XKR5: variants seen among roughly 807,000 people sequenced by gnomAD.
The protein encoded by XKR5 is XK-related protein 5.
A neutral mutation model predicts 40.8 loss-of-function variants in XKR5; 46 were observed. The observed-to-expected ratio is 1.13, with a 90% CI of 0.89 to 1.44. The LOEUF (loss-of-function observed/expected upper bound fraction) is 1.44. XKR5 is among the 40% of genes most tolerant of loss of function. The pLI is 0.00. For synonymous variants in XKR5, 466 were observed against 356.1 expected, an observed-to-expected ratio of 1.31 and a Z score of -3.48; for missense variants, 1,169 against 844.7, an observed-to-expected ratio of 1.38 and a Z score of -4.76.
rs201713069 is a variant in XKR5, at chr8:6,815,836, A to G, written c.890T>C (p.Ile297Thr). The change falls in exon 6 of 7, where the codon ATA (isoleucine) becomes ACA (threonine). Residue 297 changes from isoleucine to threonine, a missense_variant. Ile to Thr is a moderately conservative substitution (Grantham distance 89). Coordinates refer to ENST00000618742, the MANE Select transcript of XKR5 (RefSeq NM_207411.5). ...QGASWTSLQT[I>T]AGVLSGFLIG... ...CAGAAATCCAGACAGGACCCCAGCT[A>G]TGGTCTGCAGGCTGGTCCACGATGC... The G allele has an allele frequency of 8.4e-5, 135 of 1,605,186 alleles. 1 individual carries two copies. The highest frequency in any genetic ancestry group is 1.0e-4 in the Non-Finnish European group (120 of 1,175,792).
intron 2 of XKR5, among the ~76,000 whole-genome samples, chr8:6,830,178 A>G (rs1040827510): frequency 1.3e-5 from 2 of 152,134 alleles, no homozygotes; most frequent in Non-Finnish European, 2.9e-5. Context: ...GTTTTACTGG[A>G]TTCTCAGTTA....
intron 2 of XKR5, among the ~76,000 whole-genome samples, chr8:6,826,964 A>G (rs1388448944): frequency 1.3e-5 from 2 of 152,172 alleles, no homozygotes; most frequent in Non-Finnish European, 2.9e-5. Context: ...AGCAACAAGA[A>G]AGAAGTCAGA....
Position 6,810,259 on chromosome 8 carries a change from T to TA in XKR5, c.*938dup, listed in dbSNP as rs1803619887. On this transcript the variant is annotated 3_prime_UTR_variant, in exon 7 of 7. Transcript: ENST00000618742. The stretch of plus-strand genomic sequence containing the variant: ...GGAAGGCTTAAAGAAATTATGGAAA[T>TA]ACCTAGCCACAAAGAACACTTTAGA... The TA allele has an allele frequency of 6.6e-6, 1 of 152,260 alleles. No homozygotes were observed. Among genetic ancestry groups the TA allele is most frequent in the East Asian group, 1.9e-4 (1 of 5,204 alleles). 9.4% of individuals were successfully genotyped at this position (152,260 alleles called of 1,614,324 possible).
intron 2 of XKR5, among the ~76,000 whole-genome samples, chr8:6,830,778 C>T (rs569132664): frequency 2.0e-5 from 3 of 152,214 alleles, no homozygotes; most frequent in Admixed American, 1.3e-4. Flanking sequence ...CTAGTATATA[C>T]CAGATTATTC....
At chr8:6,831,951 G>C (rs1804785375) in intron 2 of XKR5, among the ~76,000 whole-genome samples, 1 of 144,714 alleles carries the variant, frequency 6.9e-6, no homozygotes, top group Non-Finnish European at 1.5e-5. Flanking sequence ...GGAGGCGGAG[G>C]TTGCAGTGAG....
Position 6,832,869 on chromosome 8 carries a change from T to G in XKR5, c.90A>C (p.Thr30=). The stretch of plus-strand genomic sequence containing the variant: ...CCAGCCACCCCCACAGAAGCCGTCC[T>G]GTGGTGAAGTAGTAAGCCACGGTGT... ...RLYTVAYYFT[T]GRLLWGWLAL... is the part of the protein sequence containing the mutation. The change falls in exon 2 of 7, where the codon ACA becomes ACC. Residue 30 remains threonine, a synonymous_variant. Transcript: ENST00000618742. 1 of 1,606,010 alleles carries G rather than the reference T, an allele frequency of 6.2e-7. No homozygotes were observed. The highest frequency in any genetic ancestry group is 8.5e-7 in the Non-Finnish European group (1 of 1,177,136).
At chr8:6,822,519 A>G (rs1804287747) in intron 4 of XKR5, among the ~76,000 whole-genome samples, 1 of 152,262 alleles carries the variant, frequency 6.6e-6, no homozygotes, top group Non-Finnish European at 1.5e-5. Flanking sequence ...AAAAAGAATA[A>G]CAAAATAGCT....
At position 6,823,624 on chromosome 8, in the gene XKR5, G is replaced by A; in HGVS notation, c.534C>T (p.Ala178=). 1.3e-6 allele frequency: 2 copies of A among 1,593,164 alleles called. No individual in the cohort carries two copies. Among genetic ancestry groups the A allele is most frequent in the Non-Finnish European group, 1.7e-6 (2 of 1,170,026 alleles). The part of the protein sequence containing the change: ...KPGHLAMPWA[A]LFCQQLWRMG... ...TCCTCCAGAGCTGCTGGCAGAAGAG[G>A]GCGGCCCATGGCATGGCCAGGTGGC... The change falls in exon 4 of 7, where the codon GCC becomes GCT. Residue 178 remains alanine, a synonymous_variant. Transcript: ENST00000618742.
chr8:6,833,474 A>T (rs1027790709), intron 1 of XKR5, among the ~76,000 whole-genome samples: 33 of 152,166 alleles, frequency 2.2e-4, no homozygotes, highest in African/African-American at 7.7e-4. Context: ...ATTAAAAACA[A>T]AACCAAAGCA....
At position 6,825,274 on chromosome 8, in the gene XKR5, C is replaced by T; in HGVS notation, c.318G>A (p.Glu106=). ...APHRGWLQLQ[E]ADLSALRLLE... is the part of the protein sequence containing the mutation. Reference sequence around the variant, plus strand: ...AGAGTCGAAGGGCCGACAGGTCGGCCTCCTGCAGCTGCAGCCAGCCTCGGT... The same window carrying T: ...AGAGTCGAAGGGCCGACAGGTCGGCTTCCTGCAGCTGCAGCCAGCCTCGGT... Residue 106 remains glutamate (E), a synonymous_variant, in exon 3 of 7, where the codon GAG becomes GAA. Transcript: ENST00000618742. 1.9e-6 allele frequency: 3 copies of T among 1,611,010 alleles called. No individual in the cohort carries two copies. The highest frequency in any genetic ancestry group is 2.2e-5 in the East Asian group (1 of 44,742).
Position 6,810,193 on chromosome 8 carries a change from C to T in XKR5, c.*1005G>A, listed in dbSNP as rs543638416. On this transcript the variant is annotated 3_prime_UTR_variant, in exon 7 of 7. Transcript: ENST00000618742. The stretch of plus-strand genomic sequence containing the variant: ...CATCCAGCTCTCTGTGTGCCTTTCT[C>T]TTTGATAGTTTATGACTAGACTTCC... 1 of 152,252 alleles carries T rather than the reference C, an allele frequency of 6.6e-6. No homozygotes were observed. The highest frequency in any genetic ancestry group is 2.1e-4 in the South Asian group (1 of 4,824). 9.4% of individuals were successfully genotyped at this position (152,252 alleles called of 1,614,324 possible).
At chr8:6,828,078 A>C (rs1804598851) in intron 2 of XKR5, among the ~76,000 whole-genome samples, 1 of 152,174 alleles carries the variant, frequency 6.6e-6, no homozygotes, top group African/African-American at 2.4e-5. Flanking sequence ...GTGAAAAAAA[A>C]GAAAAGGGGG....
At chr8:6,829,996 C>A (rs1804686288) in intron 2 of XKR5, among the ~76,000 whole-genome samples, 1 of 151,932 alleles carries the variant, frequency 6.6e-6, no homozygotes. Context: ...CGCCACCACG[C>A]CCGGCTAATT....
Position 6,832,823 on chromosome 8 carries a change from C to A in XKR5, c.136G>T (p.Gly46Trp). Residue 46 changes from glycine to tryptophan, a missense_variant, in exon 2 of 7, where the codon GGG becomes TGG. By Grantham distance (184) the Gly-to-Trp change is radical. Transcript: ENST00000618742. ...TAGCTCAGGGCCTGGACCAAGAACC[C>A]GGGCAGGAGGACAGCAAGGGCCAGC... ...GWLALAVLLP[G>W]FLVQALSYLW... 6.2e-7 allele frequency: 1 copy of A among 1,612,236 alleles called. No homozygotes were observed. Among genetic ancestry groups the A allele is most frequent in the Non-Finnish European group, 8.5e-7 (1 of 1,179,294 alleles).
intron 2 of XKR5, among the ~76,000 whole-genome samples, chr8:6,826,664 C>G (rs573315247): frequency 2.9e-4 from 44 of 152,186 alleles, no homozygotes; most frequent in African/African-American, 1.0e-3. Flanking sequence ...GGGTGGAGCC[C>G]CCATAAGGAG....
At chr8:6,829,307 C>G (rs1211331568) in intron 2 of XKR5, 1 of 169,052 alleles carries the variant, frequency 5.9e-6, no homozygotes, top group East Asian at 1.9e-4. Context: ...GATTTGTGGG[C>G]TTAAAAAGAA....
chr8:6,827,107 C>T (rs1260275615), intron 2 of XKR5, among the ~76,000 whole-genome samples: 2 of 152,298 alleles, frequency 1.3e-5, no homozygotes, highest in Non-Finnish European at 1.5e-5. Context: ...CCCATGACCA[C>T]GAAGCCACTC....
Position 6,811,909 on chromosome 8 carries a change from A to G in XKR5, c.1350T>C (p.Ser450=). 2.6e-6 allele frequency: 4 copies of G among 1,537,440 alleles called. No individual in the cohort carries two copies. Among genetic ancestry groups the G allele is most frequent in the Non-Finnish European group, 3.5e-6 (4 of 1,146,944 alleles). Residue 450 remains serine, a synonymous_variant, in exon 7 of 7, where the codon TCT becomes TCC. Transcript: ENST00000618742. ...ATGAGGATGGGAGCTCTTGCTGGGC[A>G]GACAAGGCCTTTCTCTGCAGGTAGT... is the stretch of plus-strand genomic sequence containing the variant. The part of the protein sequence containing the change: ...QQDYLQRKAL[S]AQQELPSSSR...
At chr8:6,831,786 T>G (rs953138163) in intron 2 of XKR5, among the ~76,000 whole-genome samples, 8 of 151,978 alleles carry the variant, frequency 5.3e-5, no homozygotes, top group African/African-American at 1.9e-4. Context: ...GAGGCCAAGG[T>G]GGGCGGATCA....
Sources: gnomAD v4.1 joint callset for allele counts (sites outside exome capture counted in the v4.1 genomes callset) on GRCh38, gnomAD v4.1.1 for gene constraint, MANE v1.5 for transcripts, NCBI Gene and HGNC (gene_info 2026-07-23, HGNC 2026-07-21) for gene names.